Variants in SPECC1 observed in about 807,000 individuals in gnomAD.
SPECC1 encodes cytospin-B.
A neutral mutation model predicts 104.1 loss-of-function variants in SPECC1; 62 were observed. That is an observed-to-expected ratio of 0.60 (90% CI 0.49 to 0.74). SPECC1 has a LOEUF of 0.74. Among genes scored for constraint, SPECC1 ranks in the 30% least tolerant of loss-of-function variants. The pLI is 0.00. For synonymous variants in SPECC1, 513 were observed against 501.6 expected (o/e 1.02, Z -0.30); for missense variants, 1,306 against 1,310.5 (o/e 1.00, Z 0.05).
chr17:20,090,178 C>T (rs1303241329), intron 1 of SPECC1, among the ~76,000 whole-genome samples: 1 of 152,178 alleles, frequency 6.6e-6, no homozygotes, highest in Non-Finnish European at 1.5e-5. Context: ...GTTTGCCACA[C>T]CACATCTCTG....
At chr17:20,065,749 C>T (rs1231237354) in intron 1 of SPECC1, among the ~76,000 whole-genome samples, 1 of 152,192 alleles carries the variant, frequency 6.6e-6, no homozygotes, top group Non-Finnish European at 1.5e-5. Flanking sequence ...GTGTAACATT[C>T]CTTCCTTTAG....
At chr17:20,268,374 C>A (rs1192451670) in intron 12 of SPECC1, among the ~76,000 whole-genome samples, 5 of 152,350 alleles carry the variant, frequency 3.3e-5, no homozygotes, top group East Asian at 3.9e-4. Context: ...TTGCAGGCAA[C>A]TTCTGTTGTT....
At chr17:20,149,758 C>T (rs2031814631) in intron 3 of SPECC1, among the ~76,000 whole-genome samples, 2 of 152,106 alleles carry the variant, frequency 1.3e-5, no homozygotes, top group South Asian at 4.2e-4. Context: ...AGGTTTAAAT[C>T]CTGGCTCTGC....
rs1037978590 is a variant in SPECC1, at chr17:20,184,724, A to G, written c.284-19609A>G. On this transcript the variant is annotated intron_variant, in intron 3 of 14. Transcript: ENST00000395527. Reference sequence around the variant, plus strand: ...CGTAGAAGTTCTACATGAGAGTTCTATATAAGAGAGGGCCGGCTTTATTAT... The same window carrying G: ...CGTAGAAGTTCTACATGAGAGTTCTGTATAAGAGAGGGCCGGCTTTATTAT... 5.3e-5 allele frequency among the ~76,000 whole-genome samples: 8 copies of G among 152,244 alleles called. No individual in the cohort carries two copies. The East Asian group carries it at 1.5e-3, about 29-fold the overall frequency.
At chr17:20,050,881 G>C (rs2045714188) in intron 1 of SPECC1, among the ~76,000 whole-genome samples, 1 of 152,146 alleles carries the variant, frequency 6.6e-6, no homozygotes, top group Admixed American at 6.5e-5. Flanking sequence ...GTAACTCTTA[G>C]AAAACTAATG....
At chr17:20,082,635 T>G (rs2152492263) in intron 1 of SPECC1, among the ~76,000 whole-genome samples, 1 of 152,260 alleles carries the variant, frequency 6.6e-6, no homozygotes, top group African/African-American at 2.4e-5. Flanking sequence ...TCACCTTGTA[T>G]CTTCACATGG....
intron 3 of SPECC1, among the ~76,000 whole-genome samples, chr17:20,133,893 A>T (rs561053189): frequency 1.3e-5 from 2 of 152,144 alleles, no homozygotes; most frequent in Non-Finnish European, 2.9e-5. Context: ...AAACCCTCAC[A>T]GCGTTCAGAC....
intron 13 of SPECC1, among the ~76,000 whole-genome samples, chr17:20,303,639 A>G (rs892594950): frequency 6.6e-6 from 1 of 152,234 alleles, no homozygotes; most frequent in Non-Finnish European, 1.5e-5. Flanking sequence ...ATAATTATGT[A>G]TAAAATCTAA....
intron 4 of SPECC1, among the ~76,000 whole-genome samples, chr17:20,222,502 ATTTC>A (rs1448767917): frequency 6.6e-6 from 1 of 152,008 alleles, no homozygotes; most frequent in East Asian, 1.9e-4. Context: ...TAAGTCTGAT[ATTTC>A]TTTGTTGATT....
intron 12 of SPECC1, among the ~76,000 whole-genome samples, chr17:20,294,853 CT>C: frequency 6.6e-6 from 1 of 152,160 alleles, no homozygotes; most frequent in East Asian, 1.9e-4. Context: ...CAGAAATCCT[CT>C]ACTGTTTTGA....
intron 3 of SPECC1, among the ~76,000 whole-genome samples, chr17:20,185,503 G>A (rs371398424): frequency 6.6e-6 from 1 of 152,192 alleles, no homozygotes; most frequent in African/African-American, 2.4e-5. Context: ...CCAGGGTTTC[G>A]GATGGCAGGA....
chr17:20,157,787 A>G (rs1000053171), intron 3 of SPECC1, among the ~76,000 whole-genome samples: 1 of 152,180 alleles, frequency 6.6e-6, no homozygotes, highest in African/African-American at 2.4e-5. Flanking sequence ...AATGCATATC[A>G]TTTCAGAATG....
chr17:20,187,231 G>C (rs975341171), intron 3 of SPECC1, among the ~76,000 whole-genome samples: 1 of 152,124 alleles, frequency 6.6e-6, no homozygotes, highest in South Asian at 2.1e-4. Context: ...CCAGGGAACT[G>C]ACTCGGCATT....
chr17:20,315,866 G>A lies in SPECC1; in HGVS notation c.*1801G>A. ...ATCAGAACCTACAGTGGACCCTTTTGAAAACACTCTTGGCTGCCCTAGTTG... is the reference window on the plus strand; with the variant it reads ...ATCAGAACCTACAGTGGACCCTTTTAAAAACACTCTTGGCTGCCCTAGTTG... On this transcript the variant is annotated 3_prime_UTR_variant, in exon 15 of 15. Coordinates refer to ENST00000395527, the MANE Select transcript of SPECC1 (RefSeq NM_001243439.2). 4.3e-6 allele frequency: 1 copy of A among 232,774 alleles called. No homozygotes were observed. The allele number at this position is 232,774 out of a possible 1,614,324, so 14.4% of individuals were successfully genotyped here. A position where few individuals can be genotyped will look rare whatever the true frequency, so the allele number is the denominator to read the frequency against.
intron 12 of SPECC1, among the ~76,000 whole-genome samples, chr17:20,266,384 C>G (rs1385582962): frequency 6.6e-6 from 1 of 152,072 alleles, no homozygotes; most frequent in Non-Finnish European, 1.5e-5. Flanking sequence ...GAGATCGACA[C>G]CATCCTGGCT....
intron 2 of SPECC1, among the ~76,000 whole-genome samples, chr17:20,100,642 G>A (rs1034670954): frequency 2.0e-5 from 3 of 152,008 alleles, no homozygotes; most frequent in Admixed American, 1.3e-4. Flanking sequence ...ATTTTAATTC[G>A]AATTATTATT....
At chr17:20,048,945 A>C (rs1053100897) in intron 1 of SPECC1, among the ~76,000 whole-genome samples, 1 of 152,164 alleles carries the variant, frequency 6.6e-6, no homozygotes, top group African/African-American at 2.4e-5. Context: ...ATCTTTTGTG[A>C]AAAATAATAT....
intron 4 of SPECC1, among the ~76,000 whole-genome samples, chr17:20,216,020 G>A (rs2151406429): frequency 6.6e-6 from 1 of 152,180 alleles, no homozygotes; most frequent in African/African-American, 2.4e-5. Context: ...TTCTCACAAG[G>A]GCTTGCTGCA....
chr17:20,083,287 G>T (rs1018123310), intron 1 of SPECC1, among the ~76,000 whole-genome samples: 15 of 152,192 alleles, frequency 9.9e-5, no homozygotes, highest in Non-Finnish European at 2.1e-4. Flanking sequence ...ATCAGAGTTG[G>T]CACTTCCAGT....
Sources: gnomAD v4.1 joint callset for allele counts (sites outside exome capture counted in the v4.1 genomes callset) on GRCh38, gnomAD v4.1.1 for gene constraint, MANE v1.5 for transcripts, NCBI Gene and HGNC (gene_info 2026-07-23, HGNC 2026-07-21) for gene names.